Variants in PTPRR observed in about 807,000 individuals in gnomAD.
The protein encoded by PTPRR is receptor-type tyrosine-protein phosphatase R.
In PTPRR, 38 loss-of-function variants were observed where a neutral mutation model predicts 77.2. The observed-to-expected ratio is 0.49, with a 90% CI of 0.38 to 0.65. The LOEUF is 0.65. PTPRR is among the 30% of genes least tolerant of loss of function. The probability of loss-of-function intolerance (pLI) is 0.00; values close to 1 mark genes in which losing one functional copy is unlikely to be tolerated. For synonymous variants in PTPRR, 299 were observed against 283.1 expected, an observed-to-expected ratio of 1.06 and a Z score of -0.57; for missense variants, 744 against 799.2, an observed-to-expected ratio of 0.93 and a Z score of 0.83.
intron 2 of PTPRR, among the ~76,000 whole-genome samples, chr12:70,777,901 G>A (rs1891124138): frequency 6.6e-6 from 1 of 152,184 alleles, no homozygotes; most frequent in Non-Finnish European, 1.5e-5. Context: ...TGTTAACACT[G>A]TTTATGCCAA....
chr12:70,682,350 A>G (rs1887706833), intron 10 of PTPRR, among the ~76,000 whole-genome samples: 1 of 152,018 alleles, frequency 6.6e-6, no homozygotes, highest in African/African-American at 2.4e-5. Context: ...GCCGTTGTTC[A>G]CTTTTTTACT....
intron 10 of PTPRR, among the ~76,000 whole-genome samples, chr12:70,683,581 C>T (rs142825567): frequency 3.3e-5 from 5 of 152,122 alleles, no homozygotes; most frequent in Non-Finnish European, 7.3e-5. Flanking sequence ...CCCATCACCC[C>T]CTCCTTACTG....
intron 1 of PTPRR, among the ~76,000 whole-genome samples, chr12:70,917,621 T>G (rs1893794416): frequency 6.6e-6 from 1 of 152,138 alleles, no homozygotes; most frequent in South Asian, 2.1e-4. Context: ...CTCATTTTTC[T>G]CCCACAGCTA....
chr12:70,846,027 T>C (rs999032726), intron 2 of PTPRR, among the ~76,000 whole-genome samples: 7 of 151,838 alleles, frequency 4.6e-5, no homozygotes, highest in Non-Finnish European at 8.8e-5. Context: ...AGACCAAGAA[T>C]GGAAAATAAA....
intron 6 of PTPRR, among the ~76,000 whole-genome samples, chr12:70,724,827 A>C (rs1453900082): frequency 2.0e-5 from 3 of 152,128 alleles, no homozygotes; most frequent in Admixed American, 2.0e-4. Flanking sequence ...ACACACACAC[A>C]TATATATATT....
intron 5 of PTPRR, among the ~76,000 whole-genome samples, chr12:70,750,622 T>A (rs1592731385): frequency 6.6e-6 from 1 of 152,230 alleles, no homozygotes; most frequent in East Asian, 1.9e-4. Context: ...GTAAGTTCCA[T>A]CAGATAAACT....
At chr12:70,680,618 G>T (rs969594972) in intron 10 of PTPRR, among the ~76,000 whole-genome samples, 1 of 152,154 alleles carries the variant, frequency 6.6e-6, no homozygotes, top group Non-Finnish European at 1.5e-5. Flanking sequence ...ACTGGTTAAG[G>T]TGGGGACCCG....
chr12:70,727,120 G>A (rs915857630), intron 6 of PTPRR, among the ~76,000 whole-genome samples: 3 of 152,066 alleles, frequency 2.0e-5, no homozygotes, highest in Non-Finnish European at 4.4e-5. Flanking sequence ...CTTCGGTATC[G>A]TGGAAGAAGA....
At chr12:70,913,529 G>T (rs563785842) in intron 1 of PTPRR, among the ~76,000 whole-genome samples, 1 of 152,028 alleles carries the variant, frequency 6.6e-6, no homozygotes, top group Non-Finnish European at 1.5e-5. Context: ...CTAACTCTTT[G>T]AGCTCTTTAA....
Position 70,770,540 on chromosome 12 carries a change from G to A in PTPRR, c.358-5762C>T, listed in dbSNP as rs1890946862. Among the ~76,000 whole-genome samples the A allele has an allele frequency of 5.3e-5, 8 of 152,268 alleles. 1 individual carries two copies. In the South Asian group the frequency reaches 1.7e-3, roughly 32 times the overall value. On this transcript the variant is annotated intron_variant, in intron 2 of 13. Coordinates refer to ENST00000283228, the MANE Select transcript of PTPRR (RefSeq NM_002849.4). ...TGCTGGAGAGGATGTGGAGAAATAG[G>A]AACACTTTTATACTGTTGGTGGGAC... is the stretch of plus-strand genomic sequence containing the variant.
At chr12:70,695,972 A>C (rs973362599) in intron 8 of PTPRR, among the ~76,000 whole-genome samples, 1 of 152,224 alleles carries the variant, frequency 6.6e-6, no homozygotes, top group Non-Finnish European at 1.5e-5. Flanking sequence ...ACTTTATTAC[A>C]TCACCATTAC....
chr12:70,698,195 G>T (rs571164047), intron 8 of PTPRR, 70 bp downstream of exon 8: 68 of 1,317,918 alleles, frequency 5.2e-5, no homozygotes, highest in Non-Finnish European at 6.7e-5. Flanking sequence ...TCTACATTAG[G>T]TATTTCTCCT....
At chr12:70,778,933 C>T (rs1284358748) in intron 2 of PTPRR, among the ~76,000 whole-genome samples, 1 of 152,344 alleles carries the variant, frequency 6.6e-6, no homozygotes, top group East Asian at 1.9e-4. Context: ...GCAACCTCCA[C>T]CTCCCAGGTT....
chr12:70,640,206 T>C (rs2136633915), intron 13 of PTPRR, among the ~76,000 whole-genome samples: 1 of 152,316 alleles, frequency 6.6e-6, no homozygotes, highest in Non-Finnish European at 1.5e-5. Flanking sequence ...AAACGTCTCC[T>C]TAATTGCTTA....
rs751774626 is a variant in PTPRR, at chr12:70,745,878, G to T, written c.947C>A (p.Thr316Asn). ...QGRGAPEIKA[T>N]TATSVCPSPF... ...AGAAGGGCAAACAGAGGTAGCGGTG[G>T]TAGCTTTGATCTCAGGAGCACCTCG... The change falls in exon 6 of 14, where the codon ACC becomes AAC. Residue 316 changes from threonine (T) to asparagine (N), a missense_variant. This residue lies in a region of PTPRR where 570 missense variants were observed against 573.2 expected (regional missense o/e 0.99). Transcript: ENST00000283228. The T allele has an allele frequency of 1.2e-6, 2 of 1,614,040 alleles. No individual in the cohort carries two copies. Among genetic ancestry groups the T allele is most frequent in the Non-Finnish European group, 1.7e-6 (2 of 1,179,988 alleles).
At chr12:70,920,225 C>T in intron 1 of PTPRR, 108 bp downstream of exon 1, 1 of 1,269,762 alleles carries the variant, frequency 7.9e-7, no homozygotes. Context: ...CCTGTTTTAC[C>T]TTTTTAGAAA....
chr12:70,799,932 T>C (rs1891583713), intron 2 of PTPRR, among the ~76,000 whole-genome samples: 2 of 152,118 alleles, frequency 1.3e-5, no homozygotes, highest in Admixed American at 1.3e-4. Context: ...AATCATATTA[T>C]AACGGTGATT....
intron 2 of PTPRR, among the ~76,000 whole-genome samples, chr12:70,880,569 T>C (rs1357226917): frequency 6.6e-6 from 1 of 152,200 alleles, no homozygotes; most frequent in East Asian, 1.9e-4. Flanking sequence ...ACTTGTTTTG[T>C]TGTCTTTCTT....
At chr12:70,812,782 C>T (rs971952533) in intron 2 of PTPRR, among the ~76,000 whole-genome samples, 2 of 152,100 alleles carry the variant, frequency 1.3e-5, no homozygotes, top group Non-Finnish European at 2.9e-5. Flanking sequence ...AAAACTAGAG[C>T]TAAATGTATT....
Sources: gnomAD v4.1 joint callset for allele counts (sites outside exome capture counted in the v4.1 genomes callset) on GRCh38, gnomAD v4.1.1 for gene constraint, gnomAD v4.1.1 regional missense constraint, MANE v1.5 for transcripts, NCBI Gene and HGNC (gene_info 2026-07-23, HGNC 2026-07-21) for gene names.